Variants in NPIPB4 observed in about 807,000 individuals in gnomAD.
NPIPB4 encodes nuclear pore complex-interacting protein family member B4.
For missense variants in NPIPB4, 105 were observed against 513.7 expected (o/e 0.20, Z 7.69); for synonymous variants, 31 against 194.1 (o/e 0.16, Z 6.99).
chr16:21,837,208 G>A lies in NPIPB4; in HGVS notation c.1179C>T (p.Leu393=). ...DNLKTPSERQ[L]TPLPPSAPPS... ...GTGGAGCTGAGGGTGGAAGGGGAGT[G>A]AGCTGACGCTCGGAAGGTGTCTTGA... Residue 393 remains leucine (L), a synonymous_variant, in exon 8 of 8, where the codon CTC becomes CTT. Transcript: ENST00000682606. 3.5e-6 allele frequency: 2 copies of A among 569,118 alleles called. No individual in the cohort carries two copies. The highest frequency in any genetic ancestry group is 5.3e-6 in the Non-Finnish European group (2 of 376,614). 35.3% of individuals were successfully genotyped at this position (569,118 alleles called of 1,614,324 possible).
At chr16:21,850,432 C>T (rs1185740179) in intron 2 of NPIPB4, among the ~76,000 whole-genome samples, 9 of 152,010 alleles carry the variant, frequency 5.9e-5, no homozygotes, top group Admixed American at 2.0e-4. Context: ...AGGCAGATCA[C>T]GAGGTCAAGA....
At position 21,836,503 on chromosome 16, in the gene NPIPB4, C is replaced by T. The variant is rs1489023645; in HGVS notation, c.1884G>A (p.Met628Ile). 10 of 1,527,854 alleles carry T rather than the reference C, an allele frequency of 6.5e-6. No individual in the cohort carries two copies. The South Asian group carries it at 1.1e-4, about 17-fold the overall frequency. The allele number at this position is 1,527,854 out of a possible 1,614,324, so 94.6% of individuals were successfully genotyped here. A position where few individuals can be genotyped will look rare whatever the true frequency, so the allele number is the denominator to read the frequency against. ...CGCTCGGAAGGTGTCTTGAGATTAT[C>T]ATCCGCTGAGGGTGGAAGGCAGGTG... Reference protein sequence around the residue: ...IKTPAFHPQRMIISRHLPSVS... With the variant: ...IKTPAFHPQRIIISRHLPSVS... The change falls in exon 8 of 8, where the codon ATG (methionine) becomes ATA (isoleucine). Residue 628 changes from methionine to isoleucine, a missense_variant. By Grantham distance (10) the Met-to-Ile change is conservative (BLOSUM62 1). Transcript: ENST00000682606.
chr16:21,849,547 A>G (rs1902312451), intron 2 of NPIPB4, among the ~76,000 whole-genome samples: 1 of 58,868 alleles, frequency 1.7e-5, no homozygotes, highest in Admixed American at 2.1e-4. Context: ...TTTCTCTAAG[A>G]TTGTTGATAT....
At chr16:21,850,787 G>A (rs1270317675) in intron 2 of NPIPB4, among the ~76,000 whole-genome samples, 2 of 59,182 alleles carry the variant, frequency 3.4e-5, no homozygotes, top group Non-Finnish European at 6.4e-5. Flanking sequence ...GGGCCATCTC[G>A]GCTCACTGCA....
intron 5 of NPIPB4, among the ~76,000 whole-genome samples, chr16:21,840,465 C>G (rs1483765040): frequency 2.0e-5 from 3 of 148,212 alleles, no homozygotes; most frequent in African/African-American, 7.4e-5. Context: ...ACACATGATC[C>G]ACCAGCCCGT....
intron 5 of NPIPB4, among the ~76,000 whole-genome samples, chr16:21,841,949 A>G (rs901066202): frequency 2.0e-5 from 3 of 151,750 alleles, no homozygotes; most frequent in African/African-American, 7.2e-5. Context: ...AGAGTCATGC[A>G]TCAGAATAAA....
At chr16:21,840,233 C>T (rs1209732108) in intron 5 of NPIPB4, among the ~76,000 whole-genome samples, 1 of 35,132 alleles carries the variant, frequency 2.8e-5, no homozygotes, top group Non-Finnish European at 7.1e-5. Context: ...GTTTCTATTT[C>T]TGCATTTACT....
intron 5 of NPIPB4, among the ~76,000 whole-genome samples, chr16:21,840,440 G>A (rs2141847062): frequency 7.0e-6 from 1 of 142,232 alleles, no homozygotes; most frequent in Middle Eastern, 3.8e-3. Context: ...CAGATTAGAA[G>A]GGAGAGAAAT....
Position 21,849,102 on chromosome 16 carries a change from CA to C in NPIPB4, c.121-1562del, listed in dbSNP as rs1902267422. On this transcript the variant is annotated intron_variant, in intron 2 of 7. Transcript: ENST00000682606. ...GCATAAGTAAAAAAAAAAAAAAATA[CA>C]ATGAAGAGATTACTTCATTCACAAA... Among the ~76,000 whole-genome samples the C allele has an allele frequency of 2.3e-4, 9 of 38,874 alleles. No homozygotes were observed. In the South Asian group the frequency reaches 8.9e-3, roughly 38 times the overall value. 25.5% of individuals were successfully genotyped at this position (38,874 alleles called of 152,430 possible).
intron 5 of NPIPB4, among the ~76,000 whole-genome samples, chr16:21,841,514 T>G (rs1261439265): frequency 1.6e-5 from 2 of 122,494 alleles, no homozygotes; most frequent in African/African-American, 3.1e-5. Flanking sequence ...AGTGAGGACA[T>G]CACTACTCCT....
At chr16:21,850,390 C>A (rs1208970634) in intron 2 of NPIPB4, among the ~76,000 whole-genome samples, 1 of 151,388 alleles carries the variant, frequency 6.6e-6, no homozygotes, top group East Asian at 1.9e-4. Context: ...CGGTGGCTCA[C>A]GCCTGTAATC....
At chr16:21,850,179 C>T (rs1479809175) in intron 2 of NPIPB4, among the ~76,000 whole-genome samples, 4 of 133,256 alleles carry the variant, frequency 3.0e-5, no homozygotes, top group Non-Finnish European at 5.0e-5. Context: ...GAGAATCGCT[C>T]GAACCTGGGA....
At chr16:21,849,978 T>TCGG (rs1902343365) in intron 2 of NPIPB4, among the ~76,000 whole-genome samples, 2 of 22,858 alleles carry the variant, frequency 8.7e-5, no homozygotes, top group East Asian at 7.0e-4. Flanking sequence ...AGTGTAGATC[T>TCGG]TGGCTGGGCA....
intron 5 of NPIPB4, among the ~76,000 whole-genome samples, chr16:21,840,242 C>T (rs1281658868): frequency 2.6e-5 from 1 of 39,172 alleles, no homozygotes; most frequent in Non-Finnish European, 6.2e-5. Flanking sequence ...TCTGCATTTA[C>T]TGGGTCTAAA....
At chr16:21,841,975 C>T (rs1403978796) in intron 5 of NPIPB4, among the ~76,000 whole-genome samples, 1 of 151,690 alleles carries the variant, frequency 6.6e-6, no homozygotes, top group Non-Finnish European at 1.5e-5. Flanking sequence ...ACAGGAAATA[C>T]CCTGGCCTTT....
intron 2 of NPIPB4, among the ~76,000 whole-genome samples, chr16:21,850,334 C>T (rs868646321): frequency 0.098 from 13,207 of 135,030 alleles, 2 homozygotes; most frequent in East Asian, 0.27. Context: ...ATGTACTTTC[C>T]AAAGTTAGTA....
intron 2 of NPIPB4, among the ~76,000 whole-genome samples, chr16:21,850,670 T>TAAAAA (rs1222161652): frequency 2.4e-4 from 1 of 4,196 alleles, no homozygotes; most frequent in African/African-American, 7.7e-4. Context: ...AGACTCTGTC[T>TAAAAA]AAAAAAAAAA....
Position 21,836,528 on chromosome 16 carries a change from G to A in NPIPB4, c.1859C>T (p.Thr620Ile), listed in dbSNP as rs780725315. 2 of 1,471,028 alleles carry A rather than the reference G, an allele frequency of 1.4e-6. 1 individual carries two copies. The highest frequency in any genetic ancestry group is 1.8e-6 in the Non-Finnish European group (2 of 1,113,636). The allele number at this position is 1,471,028 out of a possible 1,614,324, so 91.1% of individuals were successfully genotyped here. Residue 620 changes from threonine to isoleucine, a missense_variant, in exon 8 of 8, where the codon ACA (threonine) becomes ATA (isoleucine). Transcript: ENST00000682606. ...CATCCGCTGAGGGTGGAAGGCAGGTGTCTTGATGTTATCATCTGCTGAGGG... is the reference window on the plus strand; with the variant it reads ...CATCCGCTGAGGGTGGAAGGCAGGTATCTTGATGTTATCATCTGCTGAGGG... ...APPSADDNIKTPAFHPQRMII... is the reference protein window; with the variant it reads ...APPSADDNIKIPAFHPQRMII...
At chr16:21,849,882 C>T (rs1322355732) in intron 2 of NPIPB4, among the ~76,000 whole-genome samples, 2 of 11,036 alleles carry the variant, frequency 1.8e-4, no homozygotes, top group Middle Eastern at 0.014. Flanking sequence ...TCTGTATACG[C>T]GAAATTCCAG....
Sources: allele counts gnomAD v4.1 joint callset (sites outside exome capture counted in the v4.1 genomes callset), GRCh38; gene constraint gnomAD v4.1.1; transcripts MANE v1.5; gene names NCBI Gene and HGNC (gene_info 2026-07-23, HGNC 2026-07-21).